AP2A1: variants seen among roughly 807,000 people sequenced by gnomAD.
AP2A1 encodes AP-2 complex subunit alpha-1.
A neutral mutation model predicts 107.3 loss-of-function variants in AP2A1; 21 were observed. The observed-to-expected ratio is 0.20, with a 90% CI of 0.14 to 0.28. The LOEUF is 0.28. AP2A1 is among the 10% of genes least tolerant of loss of function. The pLI is 1.00. For synonymous variants in AP2A1, 602 were observed against 564.8 expected, an observed-to-expected ratio of 1.07 and a Z score of -0.93; for missense variants, 873 against 1,307.7, an observed-to-expected ratio of 0.67 and a Z score of 5.13.
intron 4 of AP2A1, among the ~76,000 whole-genome samples, chr19:49,783,321 C>T (rs551743849): frequency 6.6e-6 from 1 of 152,244 alleles, no homozygotes; most frequent in South Asian, 2.1e-4. Context: ...AAATCCCAAT[C>T]TCTACTAAAA....
intron 4 of AP2A1, among the ~76,000 whole-genome samples, chr19:49,790,803 C>A (rs2123717160): frequency 6.6e-6 from 1 of 152,356 alleles, no homozygotes. Flanking sequence ...ATCAAAAATA[C>A]ACCCATTTTC....
intron 1 of AP2A1, among the ~76,000 whole-genome samples, chr19:49,781,475 G>A (rs2084674710): frequency 6.6e-6 from 1 of 152,148 alleles, no homozygotes; most frequent in Non-Finnish European, 1.5e-5. Flanking sequence ...CTGGGGCCCT[G>A]AGGAGCCCCA....
intron 3 of AP2A1, 140 bp from the exon 4 acceptor site, chr19:49,782,391 G>A (rs1166237763): frequency 3.2e-6 from 3 of 942,488 alleles, no homozygotes; most frequent in Admixed American, 5.9e-5. Flanking sequence ...GGACTTGTGG[G>A]TCTGAGGGAG....
At chr19:49,802,205 C>G (rs1017948258) in intron 15 of AP2A1, 64 bp downstream of exon 15, 14 of 1,373,080 alleles carry the variant, frequency 1.0e-5, no homozygotes, top group African/African-American at 2.9e-5. Flanking sequence ...TTCTCGGCCT[C>G]TGTCCCCGTT....
chr19:49,772,169 C>T (rs181392035), intron 1 of AP2A1, among the ~76,000 whole-genome samples: 1 of 151,094 alleles, frequency 6.6e-6, no homozygotes, highest in Non-Finnish European at 1.5e-5. Flanking sequence ...GCTATCCTCC[C>T]GCCTCAGCCT....
In AP2A1 at chr19:49,802,047, G is replaced by A. The variant is rs548853583; in HGVS notation, c.2020G>A (p.Ala674Thr). 1 of 1,581,952 alleles carries A rather than the reference G, an allele frequency of 6.3e-7. No individual in the cohort carries two copies. The highest frequency in any genetic ancestry group is 8.6e-7 in the Non-Finnish European group (1 of 1,168,652). ...RAAPPPAAPP[A>T]SAGAGNLLVD... ...AGCCCCTCCCCCGGCAGCACCCCCGGCTTCTGCAGGAGCAGGGAACCTTCT... is the reference window on the plus strand; with the variant it reads ...AGCCCCTCCCCCGGCAGCACCCCCGACTTCTGCAGGAGCAGGGAACCTTCT... The change falls in exon 15 of 23, where the codon GCT becomes ACT. Residue 674 changes from alanine (A) to threonine (T), a missense_variant. Transcript: ENST00000354293.
At chr19:49,774,822 G>A (rs1177532579) in intron 1 of AP2A1, among the ~76,000 whole-genome samples, 1 of 152,006 alleles carries the variant, frequency 6.6e-6, no homozygotes, top group Non-Finnish European at 1.5e-5. Context: ...GGGAGGCTGA[G>A]GCAGGAGAAT....
rs2073095813 is a variant in AP2A1 at position 49,788,056 on chromosome 19, C to T, written c.474-3879C>T. On this transcript the variant is annotated intron_variant, in intron 4 of 22. Transcript: ENST00000354293. The surrounding 1 kb of genome is among the most constrained non-coding windows in gnomAD (Gnocchi z 4.5). ...TGACCTCCCAGGCTCAGGTGATCCTCCCACGTCAGCCACTCCAGCAGCCGG... is the reference window on the plus strand; with the variant it reads ...TGACCTCCCAGGCTCAGGTGATCCTTCCACGTCAGCCACTCCAGCAGCCGG... Among the ~76,000 whole-genome samples, 1 of 152,192 alleles carries T rather than the reference C, an allele frequency of 6.6e-6. No individual in the cohort carries two copies. Among genetic ancestry groups the T allele is most frequent in the African/African-American group, 2.4e-5 (1 of 41,452 alleles).
At position 49,800,000 on chromosome 19, in the gene AP2A1, C is replaced by T. The variant is rs201906388; in HGVS notation, c.1305C>T (p.Tyr435=). ...VLKVAILAEK[Y]AVDYSWYVDT... ...AGGTGGCCATCCTGGCCGAGAAGTA[C>T]GCCGTGGACTACAGCTGGTACGTGG... The change falls in exon 11 of 23, where the codon TAC becomes TAT. Residue 435 remains tyrosine, a synonymous_variant. Coordinates refer to ENST00000354293, the MANE Select transcript of AP2A1 (RefSeq NM_130787.3). 311 of 1,613,866 alleles carry T rather than the reference C, an allele frequency of 1.9e-4. No homozygotes were observed. Among genetic ancestry groups the T allele is most frequent in the African/African-American group, 4.8e-4 (36 of 74,944 alleles).
chr19:49,774,468 A>C (rs2123670512), intron 1 of AP2A1, among the ~76,000 whole-genome samples: 1 of 152,234 alleles, frequency 6.6e-6, no homozygotes, highest in South Asian at 2.1e-4. Context: ...TATTTTCATC[A>C]CCCAGGAATA....
chr19:49,777,882 C>T (rs942495287), intron 1 of AP2A1, among the ~76,000 whole-genome samples: 1 of 151,936 alleles, frequency 6.6e-6, no homozygotes, highest in Non-Finnish European at 1.5e-5. Flanking sequence ...GAGCTGAGAT[C>T]AAACCATTGC....
At chr19:49,802,541 G>C (rs765869542) in intron 15 of AP2A1, 6 of 1,605,810 alleles carry the variant, frequency 3.7e-6, no homozygotes, top group Non-Finnish European at 5.1e-6. Flanking sequence ...CAGCGAGCTG[G>C]AGCCGCCTGC....
chr19:49,806,725 T>C lies in AP2A1; in HGVS notation c.2835T>C (p.Arg945=), dbSNP rs1377476969. 1.2e-6 allele frequency: 2 copies of C among 1,613,448 alleles called. No homozygotes were observed. Among genetic ancestry groups the C allele is most frequent in the Non-Finnish European group, 1.7e-6 (2 of 1,179,858 alleles). The change falls in exon 23 of 23, where the codon CGT becomes CGC. Residue 945 remains arginine, a synonymous_variant. Transcript: ENST00000354293. The part of the protein sequence containing the change: ...TLRTSKEPVS[R]HLCELLAQQF ...GCACCAGCAAGGAGCCCGTCTCCCG[T>C]CACCTGTGTGAGCTGCTGGCACAGC...
At chr19:49,801,320 C>T in intron 12 of AP2A1, 70 bp from the exon 13 acceptor site, 1 of 1,467,936 alleles carries the variant, frequency 6.8e-7, no homozygotes, top group Non-Finnish European at 9.4e-7. Context: ...TAGGGAGGGG[C>T]ACCTCTCGAG....
intron 4 of AP2A1, among the ~76,000 whole-genome samples, chr19:49,787,334 G>T (rs10421744): frequency 0.4 from 42,879 of 107,006 alleles, 8,495 homozygotes; most frequent in South Asian, 0.55. Flanking sequence ...GGCTTTTTTT[G>T]TTTGTTTTTT....
Position 49,782,596 on chromosome 19 carries a change from C to T in AP2A1, c.345C>T (p.Ala115=), listed in dbSNP as rs1429570253. ...NSELIRLINN[A]IKNDLASRNP... The stretch of plus-strand genomic sequence containing the variant: ...AGCTGATCCGCCTCATCAACAACGC[C>T]ATCAAGAATGACCTGGCCAGCCGCA... The change falls in exon 4 of 23, where the codon GCC becomes GCT. Residue 115 remains alanine (A), a synonymous_variant. Coordinates refer to ENST00000354293, the MANE Select transcript of AP2A1 (RefSeq NM_130787.3). 3.2e-5 allele frequency: 51 copies of T among 1,613,822 alleles called. No individual in the cohort carries two copies. The highest frequency in any genetic ancestry group is 4.0e-5 in the Non-Finnish European group (47 of 1,179,854).
In AP2A1 at chr19:49,789,753, C is replaced by G. The variant is rs74255087; in HGVS notation, c.474-2182C>G. Among the ~76,000 whole-genome samples the G allele has an allele frequency of 4.6e-3, 700 of 152,226 alleles. 13 individuals are homozygous for G. Among genetic ancestry groups the G allele is most frequent in the Admixed American group, 0.031 (466 of 15,274 alleles). ...CTGGCCCACCATCTTATTTCTTTCT[C>G]CCCAAAGCCGACAAGGCTCCTCATT... On this transcript the variant is annotated intron_variant, in intron 4 of 22. Coordinates refer to ENST00000354293, the MANE Select transcript of AP2A1 (RefSeq NM_130787.3).
chr19:49,805,946 G>C lies in AP2A1; in HGVS notation c.2655+5G>C. ...GCAGAAGTTACTAAGGCCAAGGTGA[G>C]AGACCGCGGGCGTGTTTGCCGGCCT... On this transcript the variant is annotated splice_donor_5th_base_variant and intron_variant, in intron 21 of 22. Transcript: ENST00000354293. The C allele has an allele frequency of 1.2e-6, 2 of 1,613,772 alleles. No homozygotes were observed. Among genetic ancestry groups the C allele is most frequent in the Non-Finnish European group, 1.7e-6 (2 of 1,179,896 alleles).
In AP2A1 at chr19:49,791,963, G is replaced by T; in HGVS notation, c.502G>T (p.Ala168Ser). The T allele has an allele frequency of 6.2e-7, 1 of 1,611,528 alleles. No individual in the cohort carries two copies. The stretch of plus-strand genomic sequence containing the variant: ...CAGCATGGACAGTGTCAAGCAGAGT[G>T]CGGCCCTGTGCCTCCTTCGACTGTA... ...GDSMDSVKQS[A>S]ALCLLRLYKA... The change falls in exon 5 of 23, where the codon GCG becomes TCG. Residue 168 changes from alanine (A) to serine (S), a missense_variant. Around this residue, in one of 4 missense-constraint regions of AP2A1, gnomAD observed 157 missense variants for 212.6 expected, o/e 0.74. Coordinates refer to ENST00000354293, the MANE Select transcript of AP2A1 (RefSeq NM_130787.3).
Sources: gnomAD v4.1 joint callset for allele counts (sites outside exome capture counted in the v4.1 genomes callset) on GRCh38, gnomAD v4.1.1 for gene constraint, gnomAD v4.1.1 regional missense constraint, Gnocchi (gnomAD v3.1) non-coding constraint, MANE v1.5 for transcripts, NCBI Gene and HGNC (gene_info 2026-07-23, HGNC 2026-07-21) for gene names.